The following ATP2B4 variants were observed in gnomAD, a reference collection of about 807,000 sequenced individuals.
The protein encoded by ATP2B4 is plasma membrane calcium-transporting ATPase 4.
Under a neutral mutation model 110.3 loss-of-function variants are expected in ATP2B4, and 39 were observed. The observed-to-expected ratio is 0.35, with a 90% CI of 0.27 to 0.46. The LOEUF (loss-of-function observed/expected upper bound fraction) is 0.46. ATP2B4 is among the 20% of genes least tolerant of loss of function. ATP2B4 has a pLI of 1.00. For synonymous variants in ATP2B4, 538 were observed against 571.7 expected (o/e 0.94, Z 0.84); for missense variants, 1,135 against 1,530.9 (o/e 0.74, Z 4.32).
At chr1:203,688,995 C>T (rs1405560241) in intron 2 of ATP2B4, among the ~76,000 whole-genome samples, 2 of 152,168 alleles carry the variant, frequency 1.3e-5, no homozygotes, top group Non-Finnish European at 2.9e-5. Flanking sequence ...TGTTTGCTTG[C>T]TTCGTTCCCC....
intron 2 of ATP2B4, among the ~76,000 whole-genome samples, chr1:203,690,657 A>G (rs1346234687): frequency 5.3e-5 from 8 of 152,180 alleles, no homozygotes; most frequent in African/African-American, 1.9e-4. Context: ...GGTTAGAAGC[A>G]TAACCTCTAT....
chr1:203,720,529 T>A lies in ATP2B4; in HGVS notation c.2407-20T>A. On this transcript the variant is annotated intron_variant, in intron 15 of 20. Coordinates refer to ENST00000357681, the MANE Select transcript of ATP2B4 (RefSeq NM_001684.5). ...GGCTTTATCCACTCCCTCACTGTTT[T>A]CCCTCCCATCTTACCTCAGGGCATC... is the stretch of plus-strand genomic sequence containing the variant. 1 of 1,582,698 alleles carries A rather than the reference T, an allele frequency of 6.3e-7. No homozygotes were observed. The highest frequency in any genetic ancestry group is 8.6e-7 in the Non-Finnish European group (1 of 1,163,960).
intron 1 of ATP2B4, chr1:203,657,477 A>C: frequency 1.3e-6 from 1 of 785,552 alleles, no homozygotes; most frequent in East Asian, 2.4e-5. Flanking sequence ...TCTGTCCAGC[A>C]GATAAGCAGG....
intron 17 of ATP2B4, among the ~76,000 whole-genome samples, chr1:203,721,782 C>T (rs1438408592): frequency 6.6e-6 from 1 of 151,510 alleles, no homozygotes; most frequent in Non-Finnish European, 1.5e-5. Flanking sequence ...CCTGCGTCAG[C>T]CTCCCAAATA....
intron 2 of ATP2B4, among the ~76,000 whole-genome samples, chr1:203,695,990 T>C (rs1264205539): frequency 6.6e-6 from 1 of 152,184 alleles, no homozygotes; most frequent in African/African-American, 2.4e-5. Context: ...TGCAGTTGCA[T>C]GATCTCAGCT....
chr1:203,699,480 A>G lies in ATP2B4; in HGVS notation c.412A>G (p.Thr138Ala). 6.2e-7 allele frequency: 1 copy of G among 1,614,066 alleles called. No homozygotes were observed. The highest frequency in any genetic ancestry group is 8.5e-7 in the Non-Finnish European group (1 of 1,180,002). Residue 138 changes from threonine to alanine, a missense_variant, in exon 4 of 21, where the codon ACC (threonine) becomes GCC (alanine). By Grantham distance (58) the Thr-to-Ala change is moderately conservative (BLOSUM62 0). This residue lies in a region of ATP2B4 where 101 missense variants were observed against 182.6 expected (regional missense o/e 0.55). Transcript: ENST00000357681. The stretch of plus-strand genomic sequence containing the variant: ...GATAGTGTGTGGTCAAGTCGCAACT[A>G]CCCCAGAAGATGAAAATGAGGCACA... ...ENELCGQVAT[T>A]PEDENEAQAG...
intron 1 of ATP2B4, among the ~76,000 whole-genome samples, chr1:203,649,863 C>G (rs959076600): frequency 6.6e-6 from 1 of 152,130 alleles, no homozygotes; most frequent in Non-Finnish European, 1.5e-5. Flanking sequence ...CCACAGCCCC[C>G]ACTCGTACCC....
At chr1:203,645,978 C>T (rs189279441) in intron 1 of ATP2B4, among the ~76,000 whole-genome samples, 8 of 151,696 alleles carry the variant, frequency 5.3e-5, no homozygotes, top group African/African-American at 9.7e-5. Context: ...AGAGACACCA[C>T]GTTTCGAGGA....
chr1:203,656,039 G>A (rs1348831582), intron 1 of ATP2B4, among the ~76,000 whole-genome samples: 1 of 149,798 alleles, frequency 6.7e-6, no homozygotes. Flanking sequence ...CGAGTAGCTG[G>A]GATTACATGT....
At chr1:203,633,940 C>A (rs531773851) in intron 1 of ATP2B4, among the ~76,000 whole-genome samples, 2 of 152,134 alleles carry the variant, frequency 1.3e-5, no homozygotes, top group African/African-American at 4.8e-5. Context: ...ATCCCAGCTA[C>A]TCGGGAGGCT....
At chr1:203,643,511 G>T (rs1201420173) in intron 1 of ATP2B4, among the ~76,000 whole-genome samples, 2 of 152,206 alleles carry the variant, frequency 1.3e-5, no homozygotes, top group African/African-American at 4.8e-5. Flanking sequence ...CACCCACGCA[G>T]AGACTTTAGC....
intron 2 of ATP2B4, among the ~76,000 whole-genome samples, chr1:203,696,327 A>T (rs563012637): frequency 3.7e-4 from 57 of 152,256 alleles, no homozygotes; most frequent in African/African-American, 1.3e-3. Flanking sequence ...AGCCCTTCAC[A>T]TTGACTAAAG....
At chr1:203,695,845 A>G (rs1013918380) in intron 2 of ATP2B4, among the ~76,000 whole-genome samples, 4 of 151,752 alleles carry the variant, frequency 2.6e-5, no homozygotes, top group African/African-American at 9.7e-5. Flanking sequence ...TTGGGTACCT[A>G]TTTTCCCATT....
chr1:203,660,099 A>G (rs940928918), intron 1 of ATP2B4, among the ~76,000 whole-genome samples: 1 of 148,086 alleles, frequency 6.8e-6, no homozygotes, highest in African/African-American at 2.6e-5. Flanking sequence ...AAAAAAAAAA[A>G]AGAAAGAAAG....
At chr1:203,670,639 G>A (rs1182922577) in intron 1 of ATP2B4, among the ~76,000 whole-genome samples, 1 of 152,136 alleles carries the variant, frequency 6.6e-6, no homozygotes, top group African/African-American at 2.4e-5. Flanking sequence ...CACCCTATAG[G>A]AACTAGGATG....
intron 5 of ATP2B4, among the ~76,000 whole-genome samples, 195 bp downstream of exon 5, chr1:203,700,526 A>G (rs1665659622): frequency 1.3e-5 from 2 of 152,178 alleles, no homozygotes; most frequent in South Asian, 4.1e-4. Flanking sequence ...CAAGTGTTAT[A>G]AGGGCCTTGA....
At chr1:203,670,375 C>T (rs889393362) in intron 1 of ATP2B4, among the ~76,000 whole-genome samples, 17 of 152,142 alleles carry the variant, frequency 1.1e-4, no homozygotes, top group Admixed American at 9.8e-4. Context: ...GACGGGGTTT[C>T]GCCATGTTGG....
intron 1 of ATP2B4, among the ~76,000 whole-genome samples, chr1:203,628,698 C>A (rs1663165513): frequency 6.6e-6 from 1 of 152,168 alleles, no homozygotes; most frequent in South Asian, 2.1e-4. Flanking sequence ...CTACTACGCC[C>A]CCTCCACTCT....
intron 15 of ATP2B4, among the ~76,000 whole-genome samples, chr1:203,718,357 G>A (rs1003715876): frequency 3.9e-5 from 6 of 151,946 alleles, no homozygotes; most frequent in African/African-American, 1.5e-4. Context: ...GGAGTGCAGT[G>A]GCATGATCTT....
Sources: allele counts gnomAD v4.1 joint callset (sites outside exome capture counted in the v4.1 genomes callset), GRCh38; gene constraint gnomAD v4.1.1; regional missense constraint gnomAD v4.1.1; transcripts MANE v1.5; gene names NCBI Gene and HGNC (gene_info 2026-07-23, HGNC 2026-07-21).